The following DOK6 variants were observed in gnomAD, a reference collection of about 807,000 sequenced individuals.
The protein encoded by DOK6 is docking protein 6.
A neutral mutation model predicts 44.0 loss-of-function variants in DOK6; 22 were observed. That is an observed-to-expected ratio of 0.50 (90% CI 0.36 to 0.71). The LOEUF (loss-of-function observed/expected upper bound fraction) is 0.71. Ranked by LOEUF, DOK6 falls within the 30% of genes least tolerant of loss-of-function variation. The probability of loss-of-function intolerance (pLI) is 0.00; values close to 1 mark genes in which losing one functional copy is unlikely to be tolerated. For missense variants in DOK6, 340 were observed against 416.4 expected, an observed-to-expected ratio of 0.82 and a Z score of 1.60; for synonymous variants, 166 against 145.5, an observed-to-expected ratio of 1.14 and a Z score of -1.01.
chr18:69,676,520 G>A (rs982313936), intron 3 of DOK6, among the ~76,000 whole-genome samples: 1 of 152,136 alleles, frequency 6.6e-6, no homozygotes, highest in Non-Finnish European at 1.5e-5. Context: ...GACAAAGGGT[G>A]AGGTGTCATC....
At chr18:69,426,725 T>C (rs1978646351) in intron 1 of DOK6, among the ~76,000 whole-genome samples, 1 of 152,206 alleles carries the variant, frequency 6.6e-6, no homozygotes, top group South Asian at 2.1e-4. Flanking sequence ...TTGTAGAATA[T>C]GATATGTGTC....
At chr18:69,628,899 G>A (rs1461637593) in intron 3 of DOK6, among the ~76,000 whole-genome samples, 2 of 152,200 alleles carry the variant, frequency 1.3e-5, no homozygotes, top group African/African-American at 4.8e-5. Context: ...ACTGAAGGCT[G>A]TGTAAGCTGG....
At chr18:69,545,516 C>CAAAAAAAAA (rs397760145) in intron 1 of DOK6, among the ~76,000 whole-genome samples, 4 of 69,578 alleles carry the variant, frequency 5.7e-5, no homozygotes, top group Non-Finnish European at 7.2e-5. Flanking sequence ...AGTGAAATAC[C>CAAAAAAAAA]AAAAAAAAAA....
chr18:69,447,227 T>C (rs1386487774), intron 1 of DOK6, among the ~76,000 whole-genome samples: 1 of 152,242 alleles, frequency 6.6e-6, no homozygotes, highest in East Asian at 1.9e-4. Flanking sequence ...GAATTAATTT[T>C]TGTATATGGT....
chr18:69,505,425 G>A lies in DOK6; in HGVS notation c.67-59062G>A, dbSNP rs150622985. Among the ~76,000 whole-genome samples, 469 of 151,918 alleles carry A rather than the reference G, an allele frequency of 3.1e-3. 5 individuals carry two copies. The highest frequency in any genetic ancestry group is 0.011 in the African/African-American group (450 of 41,442). ...GCTGTGGGAAAAAACCTGTGGTGGAGCGGTTACAAATCATGGCTTCAGAAT... is the reference window on the plus strand; with the variant it reads ...GCTGTGGGAAAAAACCTGTGGTGGAACGGTTACAAATCATGGCTTCAGAAT... On this transcript the variant is annotated intron_variant, in intron 1 of 7. Transcript: ENST00000382713.
intron 1 of DOK6, among the ~76,000 whole-genome samples, chr18:69,516,012 T>C (rs1190031646): frequency 6.6e-6 from 1 of 152,242 alleles, no homozygotes; most frequent in African/African-American, 2.4e-5. Flanking sequence ...GATCAGTTCT[T>C]AATTTTCTGT....
intron 6 of DOK6, among the ~76,000 whole-genome samples, chr18:69,751,048 T>G (rs2144748605): frequency 6.6e-6 from 1 of 152,260 alleles, no homozygotes; most frequent in Middle Eastern, 3.4e-3. Flanking sequence ...AAATGGAATC[T>G]AAATCAATCA....
intron 3 of DOK6, among the ~76,000 whole-genome samples, chr18:69,639,511 T>C (rs1001293642): frequency 1.3e-5 from 2 of 152,190 alleles, no homozygotes; most frequent in Admixed American, 6.5e-5. Flanking sequence ...CATAGCTTTC[T>C]GAAAACCTGG....
intron 1 of DOK6, among the ~76,000 whole-genome samples, chr18:69,509,879 A>G (rs1230960969): frequency 6.6e-6 from 1 of 152,214 alleles, no homozygotes; most frequent in Non-Finnish European, 1.5e-5. Flanking sequence ...TTATGTATTT[A>G]TGCAAGAGCA....
chr18:69,814,905 G>A (rs767100322), intron 7 of DOK6, among the ~76,000 whole-genome samples: 2 of 151,986 alleles, frequency 1.3e-5, no homozygotes, highest in African/African-American at 2.4e-5. Context: ...GGTGTCATGC[G>A]ACTAGCAGAG....
chr18:69,563,051 T>C (rs1337757750), intron 1 of DOK6, among the ~76,000 whole-genome samples: 1 of 152,206 alleles, frequency 6.6e-6, no homozygotes, highest in Non-Finnish European at 1.5e-5. Flanking sequence ...CATGAAAAGA[T>C]GCTCATCATC....
intron 3 of DOK6, among the ~76,000 whole-genome samples, chr18:69,652,968 C>T (rs1985269116): frequency 6.6e-6 from 1 of 152,164 alleles, no homozygotes; most frequent in Admixed American, 6.5e-5. Context: ...GGGATGATGT[C>T]TGTAGTTTGA....
At position 69,527,977 on chromosome 18, in the gene DOK6, C is replaced by T. The variant is rs551037635; in HGVS notation, c.67-36510C>T. 2.6e-5 allele frequency among the ~76,000 whole-genome samples: 4 copies of T among 152,132 alleles called. No individual in the cohort carries two copies. The East Asian group carries it at 7.8e-4, about 29-fold the overall frequency. Reference sequence around the variant, plus strand: ...AGGAGATCGATACCATCTTGGCTAACATGGTGAAACCCTGTCTCTACTAAA... The same window carrying T: ...AGGAGATCGATACCATCTTGGCTAATATGGTGAAACCCTGTCTCTACTAAA... On this transcript the variant is annotated intron_variant, in intron 1 of 7. Transcript: ENST00000382713.
intron 7 of DOK6, among the ~76,000 whole-genome samples, chr18:69,814,143 A>C (rs1981327390): frequency 1.3e-5 from 2 of 152,006 alleles, no homozygotes; most frequent in Non-Finnish European, 2.9e-5. Flanking sequence ...GAGAAAGCCC[A>C]TGGCCTGGAG....
At chr18:69,840,330 C>T (rs1982179027) in intron 7 of DOK6, among the ~76,000 whole-genome samples, 1 of 152,198 alleles carries the variant, frequency 6.6e-6, no homozygotes, top group Admixed American at 6.5e-5. Flanking sequence ...TTTCTTCTCC[C>T]TCTAAGCTCA....
intron 1 of DOK6, among the ~76,000 whole-genome samples, chr18:69,523,670 T>C (rs775962347): frequency 4.0e-5 from 6 of 151,174 alleles, no homozygotes; most frequent in African/African-American, 1.2e-4. Flanking sequence ...TTTTTTTTTC[T>C]CTTGGAAGTT....
At chr18:69,767,670 C>A (rs1244160520) in intron 7 of DOK6, among the ~76,000 whole-genome samples, 1 of 152,180 alleles carries the variant, frequency 6.6e-6, no homozygotes, top group Admixed American at 6.5e-5. Flanking sequence ...CTTTCTTCCT[C>A]CATGAGGCCC....
chr18:69,564,385 C>T (rs991594344), intron 1 of DOK6, 102 bp from the exon 2 acceptor site: 14 of 837,566 alleles, frequency 1.7e-5, no homozygotes, highest in Non-Finnish European at 2.6e-5. Context: ...AAAAACAGTT[C>T]CTCTCTGAAG....
intron 1 of DOK6, among the ~76,000 whole-genome samples, chr18:69,528,878 G>T (rs1421247533): frequency 6.6e-6 from 1 of 152,136 alleles, no homozygotes; most frequent in Non-Finnish European, 1.5e-5. Context: ...AAACAGAAGT[G>T]AATTTTCCTT....
Sources: allele counts gnomAD v4.1 joint callset (sites outside exome capture counted in the v4.1 genomes callset), GRCh38; gene constraint gnomAD v4.1.1; transcripts MANE v1.5; gene names NCBI Gene and HGNC (gene_info 2026-07-23, HGNC 2026-07-21).